GSE1: variants seen among roughly 807,000 people sequenced by gnomAD.
GSE1 encodes the protein Gse1 coiled-coil protein.
GSE1 carries 32 observed loss-of-function variants against 112.6 expected under a neutral mutation model. The ratio of observed to expected loss-of-function variants is 0.28; its 90% CI spans 0.21 to 0.38. The LOEUF is 0.38. GSE1 is among the 10% of genes least tolerant of loss of function. The probability of loss-of-function intolerance (pLI) is 1.00; values close to 1 mark genes in which losing one functional copy is unlikely to be tolerated. For synonymous variants in GSE1, 1,115 were observed against 735.6 expected (o/e 1.52, Z -8.35); for missense variants, 2,348 against 1,699.2 (o/e 1.38, Z -6.71).
chr16:85,581,656 T>C (rs74031857), intron 1 of GSE1, among the ~76,000 whole-genome samples: 9,073 of 152,034 alleles, frequency 0.06, 876 homozygotes, highest in African/African-American at 0.2. Flanking sequence ...GAGAGACAGG[T>C]TTGGTCCAGC....
intron 1 of GSE1, among the ~76,000 whole-genome samples, chr16:85,565,214 A>AC (rs1439933239): frequency 6.6e-6 from 1 of 151,490 alleles, no homozygotes; most frequent in Non-Finnish European, 1.5e-5. Context: ...ACATGATGAA[A>AC]CCCCGTCTCT....
At chr16:85,372,685 C>A (rs1456084696) in intron 2 of GSE1, among the ~76,000 whole-genome samples, 1 of 152,104 alleles carries the variant, frequency 6.6e-6, no homozygotes, top group Admixed American at 6.5e-5. Context: ...CCTTCTGGGT[C>A]TTAGATTCCA....
exon 2 of GSE1, chr16:85,357,511 C>G: frequency 7.9e-7 from 1 of 1,262,756 alleles, no homozygotes; most frequent in Middle Eastern, 2.3e-4. Flanking sequence ...CCCTCCCACC[C>G]GGGAGTCCGA....
At chr16:85,303,429 C>G (rs2045579678) in intron 1 of GSE1, among the ~76,000 whole-genome samples, 2 of 152,200 alleles carry the variant, frequency 1.3e-5, no homozygotes, top group South Asian at 4.1e-4. Flanking sequence ...CCGCGCATCC[C>G]CTCCTCCTGC....
intron 2 of GSE1, among the ~76,000 whole-genome samples, chr16:85,455,672 G>A (rs996487996): frequency 7.9e-5 from 12 of 152,352 alleles, no homozygotes; most frequent in Admixed American, 3.9e-4. Context: ...GGAGCCTGGC[G>A]CGCTGCAAGC....
chr16:85,362,588 G>C (rs1035030552), intron 2 of GSE1, among the ~76,000 whole-genome samples: 1 of 152,212 alleles, frequency 6.6e-6, no homozygotes, highest in Non-Finnish European at 1.5e-5. Flanking sequence ...TTCTGGTAGC[G>C]TGGTGTCAGT....
At chr16:85,267,148 G>T (rs990212046) in intron 1 of GSE1, among the ~76,000 whole-genome samples, 2 of 152,164 alleles carry the variant, frequency 1.3e-5, no homozygotes, top group Non-Finnish European at 2.9e-5. Context: ...GAAGGCTATC[G>T]GAGCAGCGGC....
chr16:85,605,870 A>G (rs1196416043), intron 1 of GSE1, among the ~76,000 whole-genome samples: 1 of 151,468 alleles, frequency 6.6e-6, no homozygotes, highest in East Asian at 1.9e-4. Flanking sequence ...TGGGCGGCCC[A>G]GGAGCTGAGA....
At chr16:85,181,720 G>A (rs958080144) in intron 1 of GSE1, among the ~76,000 whole-genome samples, 5 of 152,192 alleles carry the variant, frequency 3.3e-5, no homozygotes, top group South Asian at 2.1e-4. Flanking sequence ...GAAAAGTGGC[G>A]TGGGGCCTCC....
intron 1 of GSE1, among the ~76,000 whole-genome samples, chr16:85,257,490 G>A (rs533835161): frequency 8.5e-5 from 13 of 152,318 alleles, no homozygotes; most frequent in Non-Finnish European, 1.3e-4. Context: ...AGCACATAGC[G>A]CGAGGAAGGA....
intron 1 of GSE1, among the ~76,000 whole-genome samples, chr16:85,356,528 C>CTCTG (rs1402281217): frequency 1.3e-5 from 2 of 152,244 alleles, no homozygotes; most frequent in African/African-American, 4.8e-5. Flanking sequence ...ACAGGTGAGA[C>CTCTG]TCTGGCCAGC....
In GSE1 at chr16:85,171,342, C is replaced by G. The variant is rs1168412398; in HGVS notation, c.1818C>G (p.Phe606Leu). Residue 606 changes from phenylalanine to leucine, a missense_variant, in exon 1 of 3, where the codon TTC becomes TTG. By Grantham distance (22) the Phe-to-Leu change is conservative. Coordinates refer to the GSE1 transcript ENST00000637419. ...CTGAGCTGGGCCCCGGGAAGGAGTT[C>G]CAGCTCAACGTGAACCCCGCCAGCC... 3.0e-6 allele frequency: 3 copies of G among 985,476 alleles called. No individual in the cohort carries two copies. In the African/African-American group the frequency reaches 5.2e-5, roughly 17 times the overall value. The allele number at this position is 985,476 out of a possible 1,614,324, so 61.0% of individuals were successfully genotyped here. A position where few individuals can be genotyped will look rare whatever the true frequency, so the allele number is the denominator to read the frequency against.
At chr16:85,239,305 G>A (rs568419126) in intron 1 of GSE1, among the ~76,000 whole-genome samples, 3 of 152,212 alleles carry the variant, frequency 2.0e-5, no homozygotes, top group Non-Finnish European at 4.4e-5. Context: ...GGCATTTAAA[G>A]ACCCTCCTAG....
Position 85,246,498 on chromosome 16 carries a change from ACACCCC to A in GSE1, c.2283+74693_2283+74698del, listed in dbSNP as rs1270958954. On this transcript the variant is annotated intron_variant, in intron 1 of 2. Coordinates refer to the GSE1 transcript ENST00000637419. ...ACACACACACACACACACACTCTAC[ACACCCC>A]CCCCCCCCCGACGCTGTCTGCAGGA... Among the ~76,000 whole-genome samples the A allele has an allele frequency of 6.3e-4, 20 of 31,520 alleles. 6 individuals carry two copies. Among genetic ancestry groups the A allele is most frequent in the African/African-American group, 1.6e-3 (15 of 9,242 alleles). The allele number at this position is 31,520 out of a possible 152,430, so 20.7% of individuals were successfully genotyped here. A position where few individuals can be genotyped will look rare whatever the true frequency, so the allele number is the denominator to read the frequency against.
At chr16:85,358,242 G>A (rs565053846) in intron 2 of GSE1, among the ~76,000 whole-genome samples, 18 of 152,314 alleles carry the variant, frequency 1.2e-4, no homozygotes, top group South Asian at 6.2e-4. Context: ...TTGGTTAATC[G>A]CCGTGTGTGG....
Position 85,673,541 on chromosome 16 carries a change from T to TTGAAG in GSE1, c.*1005_*1009dup, listed in dbSNP as rs1190536009. Reference sequence around the variant, plus strand: ...TGCTGCTGGTCAGGACATTAAAATATTGAAGTGTTTTTAAAAATTAAAGAA... The same window carrying TTGAAG: ...TGCTGCTGGTCAGGACATTAAAATATTGAAGTGAAGTGTTTTTAAAAATTAAAGAA... On this transcript the variant is annotated 3_prime_UTR_variant, in exon 16 of 16. Coordinates refer to ENST00000253458, the MANE Select transcript of GSE1 (RefSeq NM_014615.5). The TTGAAG allele has an allele frequency of 6.6e-6, 1 of 151,382 alleles. No homozygotes were observed. The highest frequency in any genetic ancestry group is 1.5e-5 in the Non-Finnish European group (1 of 67,912). The allele number at this position is 151,382 out of a possible 1,614,324, so 9.4% of individuals were successfully genotyped here. A position where few individuals can be genotyped will look rare whatever the true frequency, so the allele number is the denominator to read the frequency against.
At chr16:85,223,877 T>C (rs2075435808) in intron 1 of GSE1, among the ~76,000 whole-genome samples, 1 of 152,150 alleles carries the variant, frequency 6.6e-6, no homozygotes, top group Non-Finnish European at 1.5e-5. Context: ...GGTGCTGGGA[T>C]TACCGGCGTG....
chr16:85,374,862 G>A (rs1304243321), intron 2 of GSE1, among the ~76,000 whole-genome samples: 2 of 152,182 alleles, frequency 1.3e-5, no homozygotes, highest in African/African-American at 4.8e-5. Context: ...ACAAATGAGG[G>A]ACGAAGACAG....
intron 1 of GSE1, among the ~76,000 whole-genome samples, chr16:85,604,322 G>A (rs1414802012): frequency 1.3e-5 from 2 of 152,074 alleles, no homozygotes; most frequent in East Asian, 3.9e-4. Flanking sequence ...CTGTGTTGTA[G>A]CGTGGATTAG....
Sources: gnomAD v4.1 joint callset for allele counts (sites outside exome capture counted in the v4.1 genomes callset) on GRCh38, gnomAD v4.1.1 for gene constraint, MANE v1.5 for transcripts, NCBI Gene and HGNC (gene_info 2026-07-23, HGNC 2026-07-21) for gene names.